Variants in WDR7 observed in about 807,000 individuals in gnomAD.
WDR7 encodes WD repeat-containing protein 7.
Under a neutral mutation model 169.4 loss-of-function variants are expected in WDR7, and 46 were observed. That is an observed-to-expected ratio of 0.27 (90% CI 0.21 to 0.35). WDR7 has a LOEUF of 0.35. WDR7 is among the 10% of genes least tolerant of loss of function. The pLI, the probability that WDR7 is intolerant of heterozygous loss-of-function variation, is 1.00. For synonymous variants in WDR7, 612 were observed against 666.8 expected, an observed-to-expected ratio of 0.92 and a Z score of 1.27; for missense variants, 1,534 against 1,859.3, an observed-to-expected ratio of 0.83 and a Z score of 3.22.
At chr18:56,946,419 T>A (rs999153834) in intron 25 of WDR7, among the ~76,000 whole-genome samples, 3 of 152,232 alleles carry the variant, frequency 2.0e-5, no homozygotes, top group African/African-American at 7.2e-5. Flanking sequence ...ACAGCCCGTT[T>A]TTGTTTTCCT....
At chr18:56,999,604 A>T (rs1268591972) in intron 26 of WDR7, among the ~76,000 whole-genome samples, 1 of 152,152 alleles carries the variant, frequency 6.6e-6, no homozygotes, top group Non-Finnish European at 1.5e-5. Context: ...GGTGGTGGGC[A>T]CTTATCAAGG....
intron 19 of WDR7, chr18:56,781,910 A>G (rs1001006666): frequency 2.7e-4 from 74 of 270,370 alleles, no homozygotes; most frequent in African/African-American, 1.4e-3. Context: ...TGAATTCCCC[A>G]TCAAACATCC....
chr18:57,022,636 TC>T (rs1485087060), intron 27 of WDR7, among the ~76,000 whole-genome samples: 2 of 152,250 alleles, frequency 1.3e-5, no homozygotes, highest in Non-Finnish European at 1.5e-5. Flanking sequence ...TGTTAAATTA[TC>T]TTTTTCCCCT....
chr18:56,881,772 GACGGGGTTTCC>G (rs2046111402), intron 21 of WDR7, among the ~76,000 whole-genome samples: 1 of 152,040 alleles, frequency 6.6e-6, no homozygotes, highest in Non-Finnish European at 1.5e-5. Flanking sequence ...TTTTCATAGA[GACGGGGTTTCC>G]CCATGTTGGC....
chr18:56,803,813 A>G (rs1448640204), intron 19 of WDR7, among the ~76,000 whole-genome samples: 1 of 152,104 alleles, frequency 6.6e-6, no homozygotes, highest in Non-Finnish European at 1.5e-5. Flanking sequence ...TAATTAATTA[A>G]TTTTTTGAGA....
At chr18:56,789,497 A>G (rs757155846) in intron 19 of WDR7, among the ~76,000 whole-genome samples, 1 of 152,222 alleles carries the variant, frequency 6.6e-6, no homozygotes, top group South Asian at 2.1e-4. Flanking sequence ...AAACCCCATG[A>G]CAGTTTGCCA....
intron 22 of WDR7, 120 bp downstream of exon 22, chr18:56,924,228 A>C: frequency 9.1e-7 from 1 of 1,103,914 alleles, no homozygotes; most frequent in South Asian, 1.6e-5. Context: ...AAATACACAA[A>C]TGTTTCAATA....
At chr18:56,668,811 G>A (rs2025073603) in intron 1 of WDR7, among the ~76,000 whole-genome samples, 1 of 151,984 alleles carries the variant, frequency 6.6e-6, no homozygotes, top group African/African-American at 2.4e-5. Context: ...GTATTAACCT[G>A]TTGGAAAGTC....
intron 9 of WDR7, among the ~76,000 whole-genome samples, chr18:56,694,087 C>T (rs538065387): frequency 2.6e-5 from 4 of 151,616 alleles, no homozygotes; most frequent in Middle Eastern, 3.4e-3. Context: ...TGTCCAGGGC[C>T]GGTCTCTGAC....
At chr18:56,820,686 G>C (rs969129119) in intron 20 of WDR7, among the ~76,000 whole-genome samples, 5 of 152,064 alleles carry the variant, frequency 3.3e-5, no homozygotes, top group Non-Finnish European at 5.9e-5. Context: ...ATTCTTTACA[G>C]CTGTGTATTT....
intron 20 of WDR7, among the ~76,000 whole-genome samples, chr18:56,847,864 T>C (rs2045589334): frequency 6.6e-6 from 1 of 152,172 alleles, no homozygotes; most frequent in South Asian, 2.1e-4. Context: ...AGATTCCCCC[T>C]AGATTTCAGA....
At chr18:57,021,451 C>G (rs2048290317) in intron 27 of WDR7, among the ~76,000 whole-genome samples, 1 of 152,122 alleles carries the variant, frequency 6.6e-6, no homozygotes, top group Admixed American at 6.6e-5. Flanking sequence ...ACCTCATGTC[C>G]CTTTTATAAT....
In WDR7 at chr18:56,698,153, C is replaced by T. The variant is rs1381677935; in HGVS notation, c.1578+1691C>T. Among the ~76,000 whole-genome samples, 3 of 151,508 alleles carry T rather than the reference C, an allele frequency of 2.0e-5. No individual in the cohort carries two copies. In the East Asian group the frequency reaches 5.8e-4, roughly 30 times the overall value. On this transcript the variant is annotated intron_variant, in intron 12 of 27. Coordinates refer to ENST00000254442, the MANE Select transcript of WDR7 (RefSeq NM_015285.3). ...GGGGTTGCAGTGAGCTGAGATCGTA[C>T]CCTTGCACTCCAACCTGGGCAACAG...
In WDR7 at chr18:57,028,664, CA is replaced by C. The variant is rs1024970421; in HGVS notation, c.*1463del. ...AGGTTGTCAGAGTTTATCTGATATA[CA>C]AAAAAGTAGGATCAAAGTCTAGGAA... On this transcript the variant is annotated 3_prime_UTR_variant, in exon 28 of 28. Coordinates refer to ENST00000254442, the MANE Select transcript of WDR7 (RefSeq NM_015285.3). 6.6e-6 allele frequency: 1 copy of C among 152,046 alleles called. No homozygotes were observed. Among genetic ancestry groups the C allele is most frequent in the African/African-American group, 2.4e-5 (1 of 41,392 alleles). 9.4% of individuals were successfully genotyped at this position (152,046 alleles called of 1,614,324 possible). A position where few individuals can be genotyped will look rare whatever the true frequency, so the allele number is the denominator to read the frequency against.
In WDR7 at chr18:56,749,433, C is replaced by A. The variant is rs1057432178; in HGVS notation, c.1990-7150C>A. Among the ~76,000 whole-genome samples, 8 of 149,980 alleles carry A rather than the reference C, an allele frequency of 5.3e-5. 1 individual carries two copies. Among genetic ancestry groups the A allele is most frequent in the Admixed American group, 2.7e-4 (4 of 15,062 alleles). Reference sequence around the variant, plus strand: ...GTGTGTGTTAGATTTGTAATATTTCCTAGCTTTGTTCTTAGTATCCTTAAT... The same window carrying A: ...GTGTGTGTTAGATTTGTAATATTTCATAGCTTTGTTCTTAGTATCCTTAAT... On this transcript the variant is annotated intron_variant, in intron 14 of 27. Transcript: ENST00000254442.
At chr18:57,015,491 T>C (rs77904455) in intron 26 of WDR7, among the ~76,000 whole-genome samples, 5,752 of 152,330 alleles carry the variant, frequency 0.038, 132 homozygotes, top group Non-Finnish European at 0.054. Flanking sequence ...TTAAACTCTT[T>C]TGAAATGGCT....
chr18:56,769,057 C>T (rs1355641959), intron 16 of WDR7, among the ~76,000 whole-genome samples: 1 of 152,132 alleles, frequency 6.6e-6, no homozygotes, highest in Non-Finnish European at 1.5e-5. Flanking sequence ...CATTTATTGT[C>T]ACTTGTCTAC....
At chr18:57,017,477 CTGTGTGTGTGTGTG>C (rs57440164) in intron 26 of WDR7, among the ~76,000 whole-genome samples, 2,770 of 134,538 alleles carry the variant, frequency 0.021, 26 homozygotes, top group Middle Eastern at 0.071. Context: ...CCAAGTCATG[CTGTGTGTGTGTGTG>C]TGTGTGTGTG....
chr18:56,866,646 A>G (rs1350260125), intron 20 of WDR7, among the ~76,000 whole-genome samples: 1 of 152,158 alleles, frequency 6.6e-6, no homozygotes, highest in Non-Finnish European at 1.5e-5. Context: ...AATGATAAGC[A>G]CATATTAAAT....
Sources: gnomAD v4.1 joint callset for allele counts (sites outside exome capture counted in the v4.1 genomes callset) on GRCh38, gnomAD v4.1.1 for gene constraint, MANE v1.5 for transcripts, NCBI Gene and HGNC (gene_info 2026-07-23, HGNC 2026-07-21) for gene names.